FARP2: variants seen among roughly 807,000 people sequenced by gnomAD.
FARP2 encodes FERM, ARH/RhoGEF and pleckstrin domain protein 2, also known as FERM, ARHGEF and pleckstrin domain-containing protein 2.
In FARP2, 111 loss-of-function variants were observed where a neutral mutation model predicts 130.5. The ratio of observed to expected loss-of-function variants is 0.85; its 90% CI spans 0.73 to 1.00. The LOEUF (loss-of-function observed/expected upper bound fraction) is 1.00. FARP2 is among the 50% of genes least tolerant of loss of function. The pLI is 0.00. For synonymous variants in FARP2, 504 were observed against 516.9 expected, an observed-to-expected ratio of 0.98 and a Z score of 0.34; for missense variants, 1,385 against 1,346.3, an observed-to-expected ratio of 1.03 and a Z score of -0.45.
chr2:241,453,783 T>TG (rs1559786321), intron 13 of FARP2, among the ~76,000 whole-genome samples: 1 of 117,242 alleles, frequency 8.5e-6, no homozygotes, highest in African/African-American at 3.3e-5. Flanking sequence ...TTTTTTTTTT[T>TG]TTTTTTTTTT....
At chr2:241,402,706 A>G (rs1312005161) in intron 2 of FARP2, among the ~76,000 whole-genome samples, 5 of 149,638 alleles carry the variant, frequency 3.3e-5, no homozygotes, top group Non-Finnish European at 5.9e-5. Flanking sequence ...TTACTCTGTC[A>G]CCCAAGGTGG....
chr2:241,453,370 C>A (rs1355457777), intron 13 of FARP2, among the ~76,000 whole-genome samples: 2 of 151,692 alleles, frequency 1.3e-5, no homozygotes, highest in African/African-American at 2.4e-5. Flanking sequence ...TGCCTGTAAT[C>A]CCAGCACTTT....
intron 1 of FARP2, among the ~76,000 whole-genome samples, chr2:241,362,094 G>C (rs901846676): frequency 1.3e-5 from 2 of 151,644 alleles, no homozygotes; most frequent in Non-Finnish European, 2.9e-5. Context: ...ACAGGGTTTC[G>C]CCATGTTGGC....
At chr2:241,401,882 C>T (rs536716118) in intron 2 of FARP2, among the ~76,000 whole-genome samples, 3 of 152,168 alleles carry the variant, frequency 2.0e-5, no homozygotes, top group South Asian at 2.1e-4. Flanking sequence ...ATCCGCCTCC[C>T]GGGTTCAAGC....
At chr2:241,385,520 G>C (rs1040400270) in intron 2 of FARP2, among the ~76,000 whole-genome samples, 1 of 152,072 alleles carries the variant, frequency 6.6e-6, no homozygotes, top group Middle Eastern at 3.2e-3. Flanking sequence ...TCAGGAGCTC[G>C]AGACAATTCT....
rs755794116 is a variant in FARP2, at chr2:241,456,655, G to T, written c.1412-92G>T. The stretch of plus-strand genomic sequence containing the variant: ...GCGCCTGGCACTGTGTGAGGCTGGC[G>T]GTTGAATGGTCAGGAGAGTAGTAGC... On this transcript the variant is annotated intron_variant, in intron 13 of 26. Coordinates refer to ENST00000264042, the MANE Select transcript of FARP2 (RefSeq NM_014808.4). The T allele has an allele frequency of 2.8e-4, 354 of 1,251,010 alleles. 1 individual carries two copies. Among genetic ancestry groups the T allele is most frequent in the Non-Finnish European group, 3.3e-4 (286 of 864,898 alleles). The allele number at this position is 1,251,010 out of a possible 1,614,324, so 77.5% of individuals were successfully genotyped here.
intron 2 of FARP2, chr2:241,396,130 T>C (rs1418008154): frequency 6.6e-6 from 1 of 152,080 alleles, no homozygotes; most frequent in Non-Finnish European, 1.5e-5. Flanking sequence ...TGGCTAGCCA[T>C]ATGTAGAAAG....
At chr2:241,390,379 G>A (rs1369881778) in intron 2 of FARP2, among the ~76,000 whole-genome samples, 2 of 152,194 alleles carry the variant, frequency 1.3e-5, no homozygotes, top group South Asian at 2.1e-4. Flanking sequence ...TCATACCCCA[G>A]TGTCTGCTAC....
At chr2:241,412,739 ATAG>A (rs1439904562) in intron 6 of FARP2, among the ~76,000 whole-genome samples, 2 of 152,220 alleles carry the variant, frequency 1.3e-5, no homozygotes, top group Non-Finnish European at 2.9e-5. Flanking sequence ...TTTAAAAATA[ATAG>A]TAGTCCAGGT....
chr2:241,406,289 CAGAG>C (rs756241516), intron 4 of FARP2, among the ~76,000 whole-genome samples: 1 of 151,790 alleles, frequency 6.6e-6, no homozygotes, highest in East Asian at 1.9e-4. Flanking sequence ...GCCTGGGCGA[CAGAG>C]AGAGACTCTG....
At position 241,373,131 on chromosome 2, in the gene FARP2, C is replaced by A; in HGVS notation, c.24C>A (p.Tyr8Ter). Residue 8 changes from tyrosine (Y) to a stop codon, truncating the protein, a stop_gained, in exon 2 of 27, where the codon TAC (tyrosine) becomes TAA (stop). Coordinates refer to ENST00000264042, the MANE Select transcript of FARP2 (RefSeq NM_014808.4). LOFTEE classifies it high-confidence loss of function. ...GAATGGGGGAGATAGAAGGAACATA[C>A]AGAGTCCTGCAGACTGCAGGGATGC... MGEIEGT[Y>*]RVLQTAGMRL... is the part of the protein sequence containing the mutation. 7.2e-7 allele frequency: 1 copy of A among 1,395,318 alleles called. No homozygotes were observed. The highest frequency in any genetic ancestry group is 9.5e-7 in the Non-Finnish European group (1 of 1,056,566). The allele number at this position is 1,395,318 out of a possible 1,614,324, so 86.4% of individuals were successfully genotyped here.
chr2:241,405,676 G>T (rs569573351), intron 4 of FARP2, among the ~76,000 whole-genome samples: 1 of 152,052 alleles, frequency 6.6e-6, no homozygotes, highest in Non-Finnish European at 1.5e-5. Context: ...GCTCATGCCT[G>T]TAATCTTAGC....
At position 241,468,273 on chromosome 2, in the gene FARP2, C is replaced by G. The variant is rs373829392; in HGVS notation, c.2027C>G (p.Thr676Arg). Residue 676 changes from threonine to arginine, a missense_variant, in exon 18 of 27, where the codon ACG becomes AGG. By Grantham distance (71) the Thr-to-Arg change is moderately conservative. Coordinates refer to ENST00000264042, the MANE Select transcript of FARP2 (RefSeq NM_014808.4). ...LQKVCYLPLN[T>R]FLLKPIQRLL... The stretch of plus-strand genomic sequence containing the variant: ...AAGGTCTGCTACTTGCCTCTCAACA[C>G]GTTCCTGCTGAAGCCCATCCAGCGG... 1 of 1,613,934 alleles carries G rather than the reference C, an allele frequency of 6.2e-7. No homozygotes were observed. Among genetic ancestry groups the G allele is most frequent in the Non-Finnish European group, 8.5e-7 (1 of 1,180,004 alleles).
At chr2:241,391,539 G>T (rs2061903892) in intron 2 of FARP2, among the ~76,000 whole-genome samples, 2 of 152,194 alleles carry the variant, frequency 1.3e-5, no homozygotes, top group African/African-American at 4.8e-5. Context: ...CTCATCGCAG[G>T]TTTTGTATTC....
Position 241,489,983 on chromosome 2 carries a change from T to C in FARP2, c.2443T>C (p.Trp815Arg). Residue 815 changes from tryptophan to arginine, a missense_variant, in exon 22 of 27, where the codon TGG (tryptophan) becomes CGG (arginine). Transcript: ENST00000264042. ...GMLVEESDNE[W>R]SVPHCFTIYA... is the part of the protein sequence containing the mutation. ...ACAGGTGGAAGAAAGTGATAACGAG[T>C]GGTCTGTTCCACACTGTTTCACCAT... 1.2e-6 allele frequency: 2 copies of C among 1,613,328 alleles called. No homozygotes were observed. Among genetic ancestry groups the C allele is most frequent in the Non-Finnish European group, 1.7e-6 (2 of 1,179,486 alleles).
At chr2:241,472,199 C>T (rs372154313) in intron 18 of FARP2, among the ~76,000 whole-genome samples, 3,357 of 59,290 alleles carry the variant, frequency 0.057, no homozygotes, top group Admixed American at 0.18. Context: ...GATGCTGTTC[C>T]ATGGGAACCC....
chr2:241,360,907 G>A (rs1286262989), intron 1 of FARP2, among the ~76,000 whole-genome samples: 1 of 151,708 alleles, frequency 6.6e-6, no homozygotes, highest in Non-Finnish European at 1.5e-5. Flanking sequence ...TTGTTGATAG[G>A]GTACATAAAA....
chr2:241,430,792 T>C (rs2063070957), intron 8 of FARP2, among the ~76,000 whole-genome samples: 1 of 152,134 alleles, frequency 6.6e-6, no homozygotes, highest in African/African-American at 2.4e-5. Flanking sequence ...TCACCTGAGG[T>C]CAGGAGTTCA....
chr2:241,438,541 G>T (rs1346594888), intron 12 of FARP2, among the ~76,000 whole-genome samples: 1 of 151,880 alleles, frequency 6.6e-6, no homozygotes, highest in Non-Finnish European at 1.5e-5. Flanking sequence ...TAGACAACAG[G>T]GTAAGAATGT....
Sources: gnomAD v4.1 joint callset for allele counts (sites outside exome capture counted in the v4.1 genomes callset) on GRCh38, gnomAD v4.1.1 for gene constraint, MANE v1.5 for transcripts, NCBI Gene and HGNC (gene_info 2026-07-23, HGNC 2026-07-21) for gene names.